The following GSE1 variants were observed in gnomAD, a reference collection of about 807,000 sequenced individuals.
GSE1 encodes the protein Gse1 coiled-coil protein.
A neutral mutation model predicts 112.6 loss-of-function variants in GSE1; 32 were observed. The ratio of observed to expected loss-of-function variants is 0.28; its 90% CI spans 0.21 to 0.38. GSE1 has a LOEUF of 0.38. Among genes scored for constraint, GSE1 ranks in the 10% least tolerant of loss-of-function variants. The pLI, the probability that GSE1 is intolerant of heterozygous loss-of-function variation, is 1.00. For synonymous variants in GSE1, 1,115 were observed against 735.6 expected (o/e 1.52, Z -8.35); for missense variants, 2,348 against 1,699.2 (o/e 1.38, Z -6.71).
At chr16:85,513,394 G>A (rs2051812137) in intron 2 of GSE1, among the ~76,000 whole-genome samples, 1 of 152,100 alleles carries the variant, frequency 6.6e-6, no homozygotes, top group South Asian at 2.1e-4. Flanking sequence ...ATTTGCTCCT[G>A]AGTATTGTGG....
rs377494704 is a variant in GSE1, at chr16:85,221,085, G to A, written c.2283+49278G>A. 7.2e-5 allele frequency among the ~76,000 whole-genome samples: 11 copies of A among 151,992 alleles called. No individual in the cohort carries two copies. In the East Asian group the frequency reaches 1.6e-3, roughly 21 times the overall value. ...GGCTGGGAAAACCAGGCCCCCAGCC[G>A]TAAAATCCTGGAGTCGACCAGACCT... is the stretch of plus-strand genomic sequence containing the variant. On this transcript the variant is annotated intron_variant, in intron 1 of 2. Transcript: ENST00000637419.
chr16:85,541,519 G>A (rs1357360973), intron 2 of GSE1, among the ~76,000 whole-genome samples: 1 of 152,346 alleles, frequency 6.6e-6, no homozygotes, highest in African/African-American at 2.4e-5. Flanking sequence ...CTCACCTGGG[G>A]GCCCACACTG....
intron 2 of GSE1, among the ~76,000 whole-genome samples, chr16:85,361,598 G>C (rs1357600704): frequency 6.6e-6 from 1 of 152,244 alleles, no homozygotes; most frequent in Non-Finnish European, 1.5e-5. Context: ...GGGTGGCCAG[G>C]GCAGGTGGCG....
At chr16:85,482,792 A>C (rs1336710293) in intron 2 of GSE1, among the ~76,000 whole-genome samples, 2 of 152,200 alleles carry the variant, frequency 1.3e-5, no homozygotes, top group Non-Finnish European at 2.9e-5. Flanking sequence ...AGCCTGACCA[A>C]CATGGCGAAA....
In GSE1 at chr16:85,634,037, C is replaced by G. The variant is rs762841856; in HGVS notation, c.131C>G (p.Pro44Arg). 6.2e-7 allele frequency: 1 copy of G among 1,610,684 alleles called. No homozygotes were observed. Among genetic ancestry groups the G allele is most frequent in the Admixed American group, 1.7e-5 (1 of 59,830 alleles). ...GGCGCCCTGGTGCCCAGCGGCAGCC[C>G]CGCCACCAGCAGCGCGCTGTCGGCC... ...LNGALVPSGSPATSSALSAQA... is the reference protein window; with the variant it reads ...LNGALVPSGSRATSSALSAQA... Residue 44 changes from proline (P) to arginine (R), a missense_variant, in exon 2 of 16, where the codon CCC becomes CGC. Coordinates refer to ENST00000253458, the MANE Select transcript of GSE1 (RefSeq NM_014615.5).
At chr16:85,464,038 G>A (rs2050054578) in intron 2 of GSE1, among the ~76,000 whole-genome samples, 1 of 152,112 alleles carries the variant, frequency 6.6e-6, no homozygotes, top group Non-Finnish European at 1.5e-5. Flanking sequence ...CCTTACCTGC[G>A]GGCCTTTTCT....
At chr16:85,528,160 A>T (rs2052421772) in intron 2 of GSE1, among the ~76,000 whole-genome samples, 1 of 152,232 alleles carries the variant, frequency 6.6e-6, no homozygotes, top group African/African-American at 2.4e-5. Flanking sequence ...GACAGACAAG[A>T]TTCTCACCCC....
At chr16:85,565,049 C>CA in intron 1 of GSE1, among the ~76,000 whole-genome samples, 1 of 152,160 alleles carries the variant, frequency 6.6e-6, no homozygotes, top group Admixed American at 6.5e-5. Context: ...AAGCCGGTGA[C>CA]ACATGAACTC....
In GSE1 at chr16:85,571,486, G is replaced by A. The variant is rs141137243; in HGVS notation, c.37+15123G>A. Among the ~76,000 whole-genome samples the A allele has an allele frequency of 8.5e-5, 13 of 152,312 alleles. No individual in the cohort carries two copies. In the East Asian group the frequency reaches 2.3e-3, roughly 27 times the overall value. ...TTCCATTGTTCCAGAAAGTTCCACC[G>A]GACCGTGCCAGTCCTCAGCCCAGAA... is the stretch of plus-strand genomic sequence containing the variant. On this transcript the variant is annotated intron_variant, in intron 1 of 2. Transcript: ENST00000635906.
chr16:85,417,685 C>T lies in GSE1; in HGVS notation c.2464+60042C>T, dbSNP rs114456386. Among the ~76,000 whole-genome samples the T allele has an allele frequency of 3.0e-3, 459 of 152,302 alleles. 2 individuals carry two copies. Among genetic ancestry groups the T allele is most frequent in the African/African-American group, 0.01 (431 of 41,574 alleles). ...CCAAGGCCAGTGGGAGAGGAGGGGG[C>T]GCTGGGCCCAGGCTATTCCCAAGGC... is the stretch of plus-strand genomic sequence containing the variant. On this transcript the variant is annotated intron_variant, in intron 2 of 2. Coordinates refer to the GSE1 transcript ENST00000637419.
chr16:85,511,985 C>A lies in GSE1; in HGVS notation c.2465-121929C>A, dbSNP rs193235168. Among the ~76,000 whole-genome samples the A allele has an allele frequency of 2.9e-3, 446 of 152,306 alleles. 3 individuals carry two copies. The highest frequency in any genetic ancestry group is 0.01 in the African/African-American group (431 of 41,566). The stretch of plus-strand genomic sequence containing the variant: ...TGGAGGGCTCGATCCCCAGCCTCTC[C>A]CACTGCTCTGTAGTCAGGGTCTCCA... On this transcript the variant is annotated intron_variant, in intron 2 of 2. Transcript: ENST00000637419.
chr16:85,640,887 C>A (rs536126328), intron 2 of GSE1, among the ~76,000 whole-genome samples: 5 of 152,238 alleles, frequency 3.3e-5, no homozygotes, highest in African/African-American at 7.2e-5. Context: ...GGTGCCTCTC[C>A]GTTCTCCTGG....
intron 2 of GSE1, among the ~76,000 whole-genome samples, chr16:85,456,649 T>C (rs2049838278): frequency 6.9e-6 from 1 of 145,298 alleles, no homozygotes; most frequent in African/African-American, 2.5e-5. Flanking sequence ...TGGTCTGCCA[T>C]TTTTGCTCTG....
At chr16:85,312,658 A>AG (rs34164562) in intron 1 of GSE1, among the ~76,000 whole-genome samples, 49,501 of 151,554 alleles carry the variant, frequency 0.33, 8,285 homozygotes, top group African/African-American at 0.39. Context: ...ATGGGTTTTG[A>AG]GGGGATGCTA....
intron 2 of GSE1, among the ~76,000 whole-genome samples, chr16:85,489,478 A>C (rs1479434958): frequency 6.6e-6 from 1 of 151,978 alleles, no homozygotes; most frequent in Non-Finnish European, 1.5e-5. Flanking sequence ...AGGCAGTGGC[A>C]TATCGCCCTT....
intron 1 of GSE1, among the ~76,000 whole-genome samples, chr16:85,261,594 G>A (rs963750374): frequency 6.6e-6 from 1 of 152,200 alleles, no homozygotes; most frequent in Non-Finnish European, 1.5e-5. Context: ...GCTGCCCCGT[G>A]TGGTAGAGGG....
rs1371040062 is a variant in GSE1, at chr16:85,311,971, G to A, written c.2284-45492G>A. Among the ~76,000 whole-genome samples, 1 of 152,202 alleles carries A rather than the reference G, an allele frequency of 6.6e-6. No individual in the cohort carries two copies. Among genetic ancestry groups the A allele is most frequent in the African/African-American group, 2.4e-5 (1 of 41,448 alleles). ...GCCCCGCACCACTGTCCTCATGTCT[G>A]GAGATGTGGGCGGTGTCCGTGCACA... On this transcript the variant is annotated intron_variant, in intron 1 of 2. Transcript: ENST00000637419. This position sits in a 1 kb window ranked among gnomAD's most constrained non-coding sequence, Gnocchi z 4.2.
chr16:85,553,044 GTT>G (rs1160127781), upstream of GSE1, among the ~76,000 whole-genome samples: 1 of 143,060 alleles, frequency 7.0e-6, no homozygotes, highest in Non-Finnish European at 1.6e-5. Context: ...TTTAAAAATA[GTT>G]TTCTTTTTTT....
chr16:85,546,169 C>T lies in GSE1; in HGVS notation c.2465-87745C>T, dbSNP rs151014955. 2.3e-3 allele frequency among the ~76,000 whole-genome samples: 349 copies of T among 152,292 alleles called. 2 individuals are homozygous for T. The highest frequency in any genetic ancestry group is 8.3e-3 in the African/African-American group (343 of 41,546). ...GCCCGATCTCAGCTCACTGCACCTT[C>T]CGCCTCCCGGGTTCAAGCAATTCTA... On this transcript the variant is annotated intron_variant, in intron 2 of 2. Coordinates refer to the GSE1 transcript ENST00000637419.
Sources: gnomAD v4.1 joint callset for allele counts (sites outside exome capture counted in the v4.1 genomes callset) on GRCh38, gnomAD v4.1.1 for gene constraint, Gnocchi (gnomAD v3.1) non-coding constraint, MANE v1.5 for transcripts, NCBI Gene and HGNC (gene_info 2026-07-23, HGNC 2026-07-21) for gene names.